CHST13: variants seen among roughly 807,000 people sequenced by gnomAD.
The protein encoded by CHST13 is C4ST-3.
A neutral mutation model predicts 7.0 loss-of-function variants in CHST13; 1 was observed. The observed-to-expected ratio is 0.14, with a 90% CI of 0.05 to 0.68. The LOEUF is 0.68. CHST13 is among the 30% of genes least tolerant of loss of function. CHST13 has a pLI of 0.82. For synonymous variants in CHST13, 257 were observed against 240.9 expected (o/e 1.07, Z -0.62); for missense variants, 572 against 507.9 (o/e 1.13, Z -1.21).
In CHST13 at chr3:126,531,604, C is replaced by T. The variant is rs1055029223; in HGVS notation, c.98-4667C>T. On this transcript the variant is annotated intron_variant, in intron 1 of 2. Transcript: ENST00000319340. The stretch of plus-strand genomic sequence containing the variant: ...GTCTGGCTCCTTTCACTTAACATAA[C>T]GTTTACAAGGTTCAGCCACACGGAA... 6.6e-5 allele frequency among the ~76,000 whole-genome samples: 10 copies of T among 152,322 alleles called. No individual in the cohort carries two copies. The East Asian group carries it at 1.5e-3, about 23-fold the overall frequency.
At chr3:126,536,022 G>A (rs1156697272) in intron 1 of CHST13, among the ~76,000 whole-genome samples, 1 of 152,186 alleles carries the variant, frequency 6.6e-6, no homozygotes, top group Non-Finnish European at 1.5e-5. Flanking sequence ...CTCTTGCCTA[G>A]TACCCTCCAA....
chr3:126,529,379 A>G (rs1936602498), intron 1 of CHST13: 2 of 1,289,142 alleles, frequency 1.6e-6, no homozygotes, highest in South Asian at 2.5e-5. Context: ...TTGCCTACGG[A>G]TGCCGCAAGG....
intron 1 of CHST13, among the ~76,000 whole-genome samples, chr3:126,535,319 G>T (rs1560139857): frequency 6.7e-6 from 1 of 148,258 alleles, no homozygotes; most frequent in African/African-American, 2.5e-5. Context: ...CCTCAGCCAG[G>T]AGACAGACAG....
Position 126,542,172 on chromosome 3 carries a change from G to A in CHST13, c.620G>A (p.Arg207His), listed in dbSNP as rs1576238559. Residue 207 changes from arginine (R) to histidine (H), a missense_variant, in exon 3 of 3, where the codon CGC becomes CAC. Physicochemically the swap from Arg to His is conservative, Grantham distance 29. Coordinates refer to ENST00000319340, the MANE Select transcript of CHST13 (RefSeq NM_152889.3). Reference sequence around the variant, plus strand: ...CGCTACGGTGCACGCATCGTTCAGCGCCTGCGGCCGCGCGCGCTCCCCGAC... The same window carrying A: ...CGCTACGGTGCACGCATCGTTCAGCACCTGCGGCCGCGCGCGCTCCCCGAC... ...QRRYGARIVQRLRPRALPDAR... is the reference protein window; with the variant it reads ...QRRYGARIVQHLRPRALPDAR... 3 of 1,466,074 alleles carry A rather than the reference G, an allele frequency of 2.0e-6. No homozygotes were observed. Among genetic ancestry groups the A allele is most frequent in the Middle Eastern group, 1.8e-4 (1 of 5,558 alleles). 90.8% of individuals were successfully genotyped at this position (1,466,074 alleles called of 1,614,324 possible).
chr3:126,524,949 G>A (rs987258187), intron 1 of CHST13, among the ~76,000 whole-genome samples: 1 of 152,182 alleles, frequency 6.6e-6, no homozygotes, highest in Non-Finnish European at 1.5e-5. Flanking sequence ...TCGTGGTCTG[G>A]CTGGGGAAAC....
At chr3:126,531,830 G>T (rs1405140282) in intron 1 of CHST13, among the ~76,000 whole-genome samples, 1 of 152,208 alleles carries the variant, frequency 6.6e-6, no homozygotes, top group Non-Finnish European at 1.5e-5. Flanking sequence ...CTTAGGAGAG[G>T]AATTGCTGGG....
intron 1 of CHST13, 22 bp from the exon 2 acceptor site, chr3:126,536,249 A>G: frequency 6.2e-7 from 1 of 1,610,118 alleles, no homozygotes; most frequent in Non-Finnish European, 8.5e-7. Context: ...TGGTGGCGAC[A>G]TCTCTCTCCT....
In CHST13 at chr3:126,542,549, T is replaced by C. The variant is rs1560144898; in HGVS notation, c.997T>C (p.Ser333Pro). 1 of 1,515,956 alleles carries C rather than the reference T, an allele frequency of 6.6e-7. No individual in the cohort carries two copies. Among genetic ancestry groups the C allele is most frequent in the Admixed American group, 2.3e-5 (1 of 43,762 alleles). 93.9% of individuals were successfully genotyped at this position (1,515,956 alleles called of 1,614,324 possible). ...GATGGACTTCCTGCTTTTCAACTAC[T>C]CCGCCCCCTCCTACCTGCGGCTGCT... ...YKMDFLLFNY[S>P]APSYLRLL Residue 333 changes from serine (S) to proline (P), a missense_variant, in exon 3 of 3, where the codon TCC (serine) becomes CCC (proline). Ser to Pro is a moderately conservative substitution (Grantham distance 74). Transcript: ENST00000319340.
chr3:126,542,785 C>A lies in CHST13; in HGVS notation c.*207C>A. On this transcript the variant is annotated 3_prime_UTR_variant, in exon 3 of 3. Coordinates refer to ENST00000319340, the MANE Select transcript of CHST13 (RefSeq NM_152889.3). ...CCCTGCACGCGTGTGCCTGCCTCGG[C>A]CTGTCGCCTGAGGCCTGCTTCCTCC... 1.6e-6 allele frequency: 1 copy of A among 624,732 alleles called. No homozygotes were observed. The highest frequency in any genetic ancestry group is 2.4e-6 in the Non-Finnish European group (1 of 421,798). 38.7% of individuals were successfully genotyped at this position (624,732 alleles called of 1,614,324 possible). A position where few individuals can be genotyped will look rare whatever the true frequency, so the allele number is the denominator to read the frequency against.
intron 2 of CHST13, among the ~76,000 whole-genome samples, chr3:126,536,772 A>G (rs372144696): frequency 2.7e-4 from 41 of 151,714 alleles, no homozygotes; most frequent in Middle Eastern, 3.4e-3. Context: ...TGGCCCACAC[A>G]CCTAACTTCA....
chr3:126,526,782 C>T (rs1936544555), intron 1 of CHST13, among the ~76,000 whole-genome samples: 1 of 152,224 alleles, frequency 6.6e-6, no homozygotes, highest in East Asian at 1.9e-4. Flanking sequence ...CACTGCTGCC[C>T]TCATCACCCC....
chr3:126,527,187 A>T (rs1353222627), intron 1 of CHST13: 1 of 152,298 alleles, frequency 6.6e-6, no homozygotes, highest in African/African-American at 2.4e-5. Context: ...GGGCCTCTGC[A>T]TCCCATCCCA....
intron 1 of CHST13, among the ~76,000 whole-genome samples, chr3:126,530,187 G>T (rs149140347): frequency 0.01 from 1,578 of 152,336 alleles, 26 homozygotes; most frequent in African/African-American, 0.035. Context: ...TCGGGGCAGG[G>T]TGGCAGGCAG....
chr3:126,535,822 C>T (rs942517007), intron 1 of CHST13, among the ~76,000 whole-genome samples: 4 of 152,272 alleles, frequency 2.6e-5, no homozygotes, highest in Non-Finnish European at 4.4e-5. Context: ...CCCACTGTGC[C>T]ATCTCCACTG....
At position 126,542,501 on chromosome 3, in the gene CHST13, C is replaced by G. The variant is rs767904337; in HGVS notation, c.949C>G (p.Arg317Gly). 30 of 1,576,172 alleles carry G rather than the reference C, an allele frequency of 1.9e-5. No homozygotes were observed. The East Asian group carries it at 6.7e-4, about 35-fold the overall frequency. ...LFRDISPFYQ[R>G]RLFDLYKMDF... ...CCGGGACATCAGCCCCTTCTACCAGCGGCGCCTCTTCGACCTCTACAAGAT... is the reference window on the plus strand; with the variant it reads ...CCGGGACATCAGCCCCTTCTACCAGGGGCGCCTCTTCGACCTCTACAAGAT... The change falls in exon 3 of 3, where the codon CGG becomes GGG. Residue 317 changes from arginine (R) to glycine (G), a missense_variant. Physicochemically the swap from Arg to Gly is moderately radical, Grantham distance 125. Coordinates refer to ENST00000319340, the MANE Select transcript of CHST13 (RefSeq NM_152889.3).
At chr3:126,539,847 T>C (rs561033790) in intron 2 of CHST13, among the ~76,000 whole-genome samples, 41 of 1,180 alleles carry the variant, frequency 0.035, 1 homozygote, top group African/African-American at 0.055. Flanking sequence ...ACCACACACA[T>C]CACACACACA....
Position 126,539,010 on chromosome 3 carries a change from G to A in CHST13, c.180+2657G>A, listed in dbSNP as rs79108500. On this transcript the variant is annotated intron_variant, in intron 2 of 2. Coordinates refer to ENST00000319340, the MANE Select transcript of CHST13 (RefSeq NM_152889.3). ...GTGTCCTTCCAGACATGCTCTAGGC[G>A]TGTAAGTAGTATCCACTGCTTTGCC... is the stretch of plus-strand genomic sequence containing the variant. 9.6e-3 allele frequency among the ~76,000 whole-genome samples: 1,459 copies of A among 152,290 alleles called. 25 individuals carry two copies. Among genetic ancestry groups the A allele is most frequent in the African/African-American group, 0.033 (1,366 of 41,548 alleles).
chr3:126,542,164 C>T lies in CHST13; in HGVS notation c.612C>T (p.Ile204=), dbSNP rs746774935. The T allele has an allele frequency of 3.6e-5, 53 of 1,491,872 alleles. No homozygotes were observed. Among genetic ancestry groups the T allele is most frequent in the Non-Finnish European group, 4.6e-5 (52 of 1,128,928 alleles). 92.4% of individuals were successfully genotyped at this position (1,491,872 alleles called of 1,614,324 possible). A position where few individuals can be genotyped will look rare whatever the true frequency, so the allele number is the denominator to read the frequency against. Residue 204 remains isoleucine, a synonymous_variant, in exon 3 of 3, where the codon ATC becomes ATT. Transcript: ENST00000319340. ...AAFQRRYGAR[I]VQRLRPRALP... is the part of the protein sequence containing the mutation. ...TCCAGAGGCGCTACGGTGCACGCAT[C>T]GTTCAGCGCCTGCGGCCGCGCGCGC...
chr3:126,535,590 GTCGGGAGACA>G (rs1936772113), intron 1 of CHST13, among the ~76,000 whole-genome samples: 1 of 151,832 alleles, frequency 6.6e-6, no homozygotes, highest in African/African-American at 2.4e-5. Flanking sequence ...ACTTTCCTCA[GTCGGGAGACA>G]GCCGGACAGC....
Sources: allele counts gnomAD v4.1 joint callset (sites outside exome capture counted in the v4.1 genomes callset), GRCh38; gene constraint gnomAD v4.1.1; transcripts MANE v1.5; gene names NCBI Gene and HGNC (gene_info 2026-07-23, HGNC 2026-07-21).